MYBL2: variants seen among roughly 807,000 people sequenced by gnomAD.
MYBL2 encodes myb-related protein B.
A neutral mutation model predicts 79.9 loss-of-function variants in MYBL2; 28 were observed. That is an observed-to-expected ratio of 0.35 (90% CI 0.26 to 0.48). MYBL2 has a LOEUF of 0.48. Ranked by LOEUF, MYBL2 falls within the 20% of genes least tolerant of loss-of-function variation. MYBL2 has a pLI of 0.99. For missense variants in MYBL2, 735 were observed against 893.9 expected (o/e 0.82, Z 2.27); for synonymous variants, 378 against 361.2 (o/e 1.05, Z -0.53).
At chr20:43,671,369 G>T (rs1157144729) in intron 1 of MYBL2, among the ~76,000 whole-genome samples, 1 of 151,552 alleles carries the variant, frequency 6.6e-6, no homozygotes, top group African/African-American at 2.4e-5. Context: ...TGTTGACCAG[G>T]CTGGTCTCGA....
At chr20:43,705,422 T>C in intron 9 of MYBL2, 64 bp downstream of exon 9, 1 of 1,506,490 alleles carries the variant, frequency 6.6e-7, no homozygotes, top group Non-Finnish European at 8.9e-7. Flanking sequence ...ACCATGGGCC[T>C]TGGGACCACT....
In MYBL2 at chr20:43,710,154, A is replaced by C. The variant is rs569309140; in HGVS notation, c.1605+92A>C. The stretch of plus-strand genomic sequence containing the variant: ...TCAGTCCACAGGACCCTTCCCTCTG[A>C]GGTCTCATTTGATTCTTTCTCCTGA... On this transcript the variant is annotated intron_variant, in intron 10 of 13. Coordinates refer to ENST00000217026, the MANE Select transcript of MYBL2 (RefSeq NM_002466.4). The C allele has an allele frequency of 1.8e-5, 18 of 1,001,072 alleles. No homozygotes were observed. The South Asian group carries it at 3.3e-4, about 18-fold the overall frequency. The allele number at this position is 1,001,072 out of a possible 1,614,324, so 62.0% of individuals were successfully genotyped here. A position where few individuals can be genotyped will look rare whatever the true frequency, so the allele number is the denominator to read the frequency against.
intron 12 of MYBL2, among the ~76,000 whole-genome samples, chr20:43,713,391 C>CT (rs1264826252): frequency 0.036 from 5,145 of 141,570 alleles, 266 homozygotes; most frequent in African/African-American, 0.11. Context: ...CTTTTTTTTT[C>CT]TTTTTTTTTT....
intron 5 of MYBL2, among the ~76,000 whole-genome samples, chr20:43,690,104 G>A (rs1382637531): frequency 1.3e-5 from 2 of 152,160 alleles, no homozygotes; most frequent in African/African-American, 4.8e-5. Context: ...ATGCATGCGA[G>A]GTATGTACAT....
Position 43,699,945 on chromosome 20 carries a change from A to G in MYBL2, c.852A>G (p.Pro284=). 1 of 1,614,184 alleles carries G rather than the reference A, an allele frequency of 6.2e-7. No individual in the cohort carries two copies. Among genetic ancestry groups the G allele is most frequent in the African/African-American group, 1.3e-5 (1 of 75,050 alleles). The part of the protein sequence containing the change: ...PKREDQEGSP[P]ETSLPYKWVV... ...GTGAGGACCAGGAAGGCTCCCCACC[A>G]GAAACGAGCCTGCCTTACAAGTGGG... Residue 284 remains proline (P), a synonymous_variant, in exon 7 of 14, where the codon CCA becomes CCG. Coordinates refer to ENST00000217026, the MANE Select transcript of MYBL2 (RefSeq NM_002466.4).
intron 5 of MYBL2, among the ~76,000 whole-genome samples, chr20:43,687,500 TTTTC>T (rs1316005297): frequency 6.6e-6 from 1 of 152,186 alleles, no homozygotes; most frequent in African/African-American, 2.4e-5. Flanking sequence ...TGTTTTTTGT[TTTTC>T]TTTTTCTTAA....
At position 43,702,855 on chromosome 20, in the gene MYBL2, C is replaced by T; in HGVS notation, c.1317C>T (p.Leu439=). The change falls in exon 8 of 14, where the codon CTC becomes CTT. Residue 439 remains leucine (L), a synonymous_variant. Transcript: ENST00000217026. Reference sequence around the variant, plus strand: ...CCTTCCTGGATTCCTGTAACAGCCTCACGCCCAAGAGCACACCTGTTAAGA... The same window carrying T: ...CCTTCCTGGATTCCTGTAACAGCCTTACGCCCAAGAGCACACCTGTTAAGA... ...SLSFLDSCNS[L]TPKSTPVKTL... The T allele has an allele frequency of 6.2e-7, 1 of 1,612,148 alleles. No individual in the cohort carries two copies. Among genetic ancestry groups the T allele is most frequent in the Non-Finnish European group, 8.5e-7 (1 of 1,178,408 alleles).
At chr20:43,702,185 A>G (rs1009924358) in intron 7 of MYBL2, among the ~76,000 whole-genome samples, 31 of 151,896 alleles carry the variant, frequency 2.0e-4, no homozygotes, top group Admixed American at 2.0e-3. Context: ...TGTAGTCCCA[A>G]CTACTCGGGA....
At position 43,713,533 on chromosome 20, in the gene MYBL2, A is replaced by G. The variant is rs572902813; in HGVS notation, c.1824+427A>G. Among the ~76,000 whole-genome samples, 8 of 151,898 alleles carry G rather than the reference A, an allele frequency of 5.3e-5. No individual in the cohort carries two copies. The South Asian group carries it at 1.7e-3, about 32-fold the overall frequency. ...CTCCCAAGTAGCTGGGATTACAGGC[A>G]TGCATCACCACGCCCGGCTAATTTT... is the stretch of plus-strand genomic sequence containing the variant. On this transcript the variant is annotated intron_variant, in intron 12 of 13. Transcript: ENST00000217026.
At position 43,709,909 on chromosome 20, in the gene MYBL2, G is replaced by A; in HGVS notation, c.1506-54G>A. The A allele has an allele frequency of 4.2e-6, 6 of 1,413,898 alleles. No homozygotes were observed. In the South Asian group the frequency reaches 7.7e-5, roughly 18 times the overall value. The allele number at this position is 1,413,898 out of a possible 1,614,324, so 87.6% of individuals were successfully genotyped here. ...GAAGGTGGAGCCAGGGCAGCAGAGTGCCTGGCGTCGGCCCCTATCCTGTCA... is the reference window on the plus strand; with the variant it reads ...GAAGGTGGAGCCAGGGCAGCAGAGTACCTGGCGTCGGCCCCTATCCTGTCA... On this transcript the variant is annotated intron_variant, in intron 9 of 13. Coordinates refer to ENST00000217026, the MANE Select transcript of MYBL2 (RefSeq NM_002466.4).
chr20:43,713,007 G>T lies in MYBL2; in HGVS notation c.1725G>T (p.Arg575=). 6.2e-7 allele frequency: 1 copy of T among 1,610,052 alleles called. No individual in the cohort carries two copies. ...TTCTATCTGCCAACCCCTAGCTGCG[G>T]CGGAGCCCCATCAAGAAAGTCCGGA... ...PEKQKRKPGL[R]RSPIKKVRKS... The change falls in exon 12 of 14, where the codon CGG becomes CGT. Residue 575 remains arginine (R), a synonymous_variant. Transcript: ENST00000217026.
chr20:43,706,733 T>TTTTTTTTTTTTTTTTTTA (rs1987793274), intron 9 of MYBL2, among the ~76,000 whole-genome samples: 1 of 136,982 alleles, frequency 7.3e-6, no homozygotes, highest in Non-Finnish European at 1.6e-5. Flanking sequence ...TTTTTTTTTT[T>TTTTTTTTTTTTTTTTTTA]GAGATGGAGT....
intron 9 of MYBL2, among the ~76,000 whole-genome samples, chr20:43,706,874 C>G (rs1301986197): frequency 7.9e-5 from 12 of 151,162 alleles, no homozygotes; most frequent in Non-Finnish European, 1.2e-4. Context: ...CGCCACCACA[C>G]CCAGCTAATT....
chr20:43,692,231 A>T lies in MYBL2; in HGVS notation c.575A>T (p.Glu192Val). 6.2e-7 allele frequency: 1 copy of T among 1,614,206 alleles called. No homozygotes were observed. The highest frequency in any genetic ancestry group is 8.5e-7 in the Non-Finnish European group (1 of 1,180,044). ...RKVDTGGFLSESKDCKPPVYL... is the reference protein window; with the variant it reads ...RKVDTGGFLSVSKDCKPPVYL... ...GTGGACACAGGAGGCTTCTTGAGCG[A>T]GTCCAAAGACTGCAAGCCCCCAGTG... Residue 192 changes from glutamate to valine, a missense_variant, in exon 6 of 14, where the codon GAG becomes GTG. Physicochemically the swap from Glu to Val is moderately radical, Grantham distance 121. Transcript: ENST00000217026.
At chr20:43,693,470 C>A (rs1219316502) in intron 6 of MYBL2, among the ~76,000 whole-genome samples, 1 of 152,118 alleles carries the variant, frequency 6.6e-6, no homozygotes, top group Non-Finnish European at 1.5e-5. Flanking sequence ...TCCCGAGTAG[C>A]TGGGATTACA....
At chr20:43,703,820 G>T (rs1022634290) in intron 8 of MYBL2, among the ~76,000 whole-genome samples, 8 of 152,050 alleles carry the variant, frequency 5.3e-5, no homozygotes, top group African/African-American at 1.9e-4. Flanking sequence ...AGTACCACAG[G>T]CTCGGTGGAT....
rs144861889 is a variant in MYBL2, at chr20:43,713,019, C to T, written c.1737C>T (p.Ile579=). 1,774 of 1,612,136 alleles carry T rather than the reference C, an allele frequency of 1.1e-3. 2 individuals are homozygous for T. Among genetic ancestry groups the T allele is most frequent in the Non-Finnish European group, 1.4e-3 (1,678 of 1,179,130 alleles). Residue 579 remains isoleucine (I), a synonymous_variant, in exon 12 of 14, where the codon ATC becomes ATT. Transcript: ENST00000217026. Reference sequence around the variant, plus strand: ...ACCCCTAGCTGCGGCGGAGCCCCATCAAGAAAGTCCGGAAGTCTCTGGCTC... The same window carrying T: ...ACCCCTAGCTGCGGCGGAGCCCCATTAAGAAAGTCCGGAAGTCTCTGGCTC... The part of the protein sequence containing the change: ...KRKPGLRRSP[I]KKVRKSLALD...
At chr20:43,694,280 C>T (rs886878599) in intron 6 of MYBL2, among the ~76,000 whole-genome samples, 4 of 149,638 alleles carry the variant, frequency 2.7e-5, no homozygotes, top group Non-Finnish European at 5.9e-5. Context: ...TGCAGTGAGC[C>T]GAGATCACGC....
At chr20:43,688,935 G>A (rs1199783337) in intron 5 of MYBL2, among the ~76,000 whole-genome samples, 1 of 151,810 alleles carries the variant, frequency 6.6e-6, no homozygotes, top group Non-Finnish European at 1.5e-5. Context: ...GATTATAGGC[G>A]CCCGCCACCA....
Sources: allele counts gnomAD v4.1 joint callset (sites outside exome capture counted in the v4.1 genomes callset), GRCh38; gene constraint gnomAD v4.1.1; transcripts MANE v1.5; gene names NCBI Gene and HGNC (gene_info 2026-07-23, HGNC 2026-07-21).